The following FLVCR2 variants were observed in gnomAD, a reference collection of about 807,000 sequenced individuals.
FLVCR2 encodes the protein choline/ethanolamine transporter FLVCR2.
In FLVCR2, 38 loss-of-function variants were observed where a neutral mutation model predicts 48.9. The observed-to-expected ratio is 0.78, with a 90% confidence interval of 0.60 to 1.02. The LOEUF (loss-of-function observed/expected upper bound fraction) is 1.02, where lower values mean the gene tolerates loss of function less well. Among genes scored for constraint, FLVCR2 ranks in the 50% least tolerant of loss-of-function variants. The pLI is 0.00. For synonymous variants in FLVCR2, 255 were observed against 257.0 expected (o/e 0.99, Z 0.07); for missense variants, 664 against 663.3 (o/e 1.00, Z -0.01).
intron 1 of FLVCR2, among the ~76,000 whole-genome samples, chr14:75,620,364 A>G (rs143615114): frequency 4.6e-5 from 7 of 152,300 alleles, no homozygotes; most frequent in Non-Finnish European, 7.4e-5. Flanking sequence ...CAGAGAAGCC[A>G]GGAGATCTGC....
At chr14:75,608,144 C>T (rs1302444288) in intron 1 of FLVCR2, among the ~76,000 whole-genome samples, 1 of 152,192 alleles carries the variant, frequency 6.6e-6, no homozygotes, top group Non-Finnish European at 1.5e-5. Context: ...ACATCGTGTC[C>T]TGCCTGGATT....
chr14:75,642,564 A>G (rs895635905), intron 9 of FLVCR2, among the ~76,000 whole-genome samples: 1 of 152,226 alleles, frequency 6.6e-6, no homozygotes, highest in African/African-American at 2.4e-5. Flanking sequence ...TTCAAATCTG[A>G]GAAAGAGCAA....
At chr14:75,597,726 C>T (rs199507651) in intron 1 of FLVCR2, among the ~76,000 whole-genome samples, 13 of 152,020 alleles carry the variant, frequency 8.6e-5, no homozygotes, top group East Asian at 7.7e-4. Context: ...CCCGCCACCA[C>T]GTCTGGCTAA....
chr14:75,625,653 G>A (rs138720590), intron 3 of FLVCR2, among the ~76,000 whole-genome samples: 15 of 152,122 alleles, frequency 9.9e-5, no homozygotes, highest in Admixed American at 2.6e-4. Flanking sequence ...GACATGTACC[G>A]TAACCATATG....
At chr14:75,642,280 C>T (rs1400727176) in intron 9 of FLVCR2, among the ~76,000 whole-genome samples, 1 of 152,174 alleles carries the variant, frequency 6.6e-6, no homozygotes, top group Non-Finnish European at 1.5e-5. Flanking sequence ...AAGGGGAAGC[C>T]TGGCTCCACC....
intron 3 of FLVCR2, chr14:75,632,683 C>A (rs1248935189): frequency 1.4e-6 from 1 of 702,242 alleles, no homozygotes; most frequent in African/African-American, 1.7e-5. Flanking sequence ...TTACACCCTT[C>A]CAAGTAAATC....
intron 1 of FLVCR2, among the ~76,000 whole-genome samples, chr14:75,600,662 T>C (rs902713971): frequency 5.9e-5 from 9 of 152,196 alleles, no homozygotes; most frequent in African/African-American, 2.2e-4. Flanking sequence ...ATAATGTTAG[T>C]TCTGGCAAAG....
intron 1 of FLVCR2, among the ~76,000 whole-genome samples, chr14:75,610,196 AGG>A (rs569101073): frequency 8.1e-4 from 123 of 152,268 alleles, no homozygotes; most frequent in African/African-American, 2.8e-3. Flanking sequence ...AGTCAGCTAG[AGG>A]GACATTAATG....
At chr14:75,585,514 T>A (rs1415443944) in intron 1 of FLVCR2, among the ~76,000 whole-genome samples, 3 of 152,016 alleles carry the variant, frequency 2.0e-5, no homozygotes, top group African/African-American at 7.3e-5. Context: ...TTGCCCATAG[T>A]GAAGGAGGCA....
chr14:75,642,090 C>T (rs1890318311), intron 9 of FLVCR2, 192 bp downstream of exon 9: 4 of 617,984 alleles, frequency 6.5e-6, no homozygotes, highest in East Asian at 2.7e-5. Flanking sequence ...GTTCTTGCTA[C>T]TGCTACCCTT....
At chr14:75,600,261 C>G (rs1889131527) in intron 1 of FLVCR2, among the ~76,000 whole-genome samples, 1 of 152,098 alleles carries the variant, frequency 6.6e-6, no homozygotes, top group Non-Finnish European at 1.5e-5. Flanking sequence ...AGGAAGTTAC[C>G]CTATGTGGCC....
At position 75,639,383 on chromosome 14, in the gene FLVCR2, C is replaced by T; in HGVS notation, c.1156C>T (p.Leu386=). 6.2e-7 allele frequency: 1 copy of T among 1,613,900 alleles called. No individual in the cohort carries two copies. Among genetic ancestry groups the T allele is most frequent in the Non-Finnish European group, 8.5e-7 (1 of 1,179,750 alleles). ...AACCCTGGTAGTCTATATCATGACACTGGTGGGCATGGTGGTGTACACGTT... is the reference window on the plus strand; with the variant it reads ...AACCCTGGTAGTCTATATCATGACATTGGTGGGCATGGTGGTGTACACGTT... The part of the protein sequence containing the change: ...ETTLVVYIMT[L]VGMVVYTFTL... Residue 386 remains leucine, a synonymous_variant, in exon 6 of 10, where the codon CTG becomes TTG. Transcript: ENST00000238667.
chr14:75,593,516 C>A (rs1049737712), intron 1 of FLVCR2, among the ~76,000 whole-genome samples: 3 of 152,184 alleles, frequency 2.0e-5, no homozygotes, highest in African/African-American at 7.2e-5. Context: ...GGAACTCACC[C>A]ATTTCTGCAG....
At chr14:75,595,919 C>T (rs1453039184) in intron 1 of FLVCR2, 4 of 1,233,194 alleles carry the variant, frequency 3.2e-6, no homozygotes, top group Admixed American at 3.4e-5. Flanking sequence ...TCTTCTCATA[C>T]AGGCCATGTC....
At chr14:75,592,739 A>C (rs984911959) in intron 1 of FLVCR2, among the ~76,000 whole-genome samples, 15 of 152,138 alleles carry the variant, frequency 9.9e-5, no homozygotes, top group Non-Finnish European at 2.2e-4. Flanking sequence ...CTGTAATCAC[A>C]GCACTTTGGG....
intron 1 of FLVCR2, among the ~76,000 whole-genome samples, chr14:75,595,120 G>T (rs1038448647): frequency 6.6e-6 from 1 of 152,144 alleles, no homozygotes; most frequent in Admixed American, 6.5e-5. Flanking sequence ...GTAGTTATAT[G>T]TAGGATTATG....
chr14:75,640,940 T>C lies in FLVCR2; in HGVS notation c.1236-15T>C. On this transcript the variant is annotated splice_polypyrimidine_tract_variant and intron_variant, in intron 6 of 9. Coordinates refer to ENST00000238667, the MANE Select transcript of FLVCR2 (RefSeq NM_017791.3). Reference sequence around the variant, plus strand: ...GAAGTTCTTCATCCCCTTGTTTCTCTGGTCTGGTCTTCAGCTTCTTTATGA... The same window carrying C: ...GAAGTTCTTCATCCCCTTGTTTCTCCGGTCTGGTCTTCAGCTTCTTTATGA... 3.2e-6 allele frequency: 5 copies of C among 1,586,326 alleles called. No homozygotes were observed. The highest frequency in any genetic ancestry group is 4.3e-6 in the Non-Finnish European group (5 of 1,154,584).
intron 3 of FLVCR2, 99 bp downstream of exon 3, chr14:75,624,851 G>A: frequency 1.4e-6 from 2 of 1,445,504 alleles, no homozygotes; most frequent in African/African-American, 1.4e-5. Context: ...TCCCAAATGT[G>A]CATGTAAAGC....
chr14:75,621,340 G>A (rs906501344), intron 1 of FLVCR2, among the ~76,000 whole-genome samples: 3 of 151,552 alleles, frequency 2.0e-5, no homozygotes, highest in Non-Finnish European at 4.4e-5. Context: ...CCCAGGAGGC[G>A]GAGGCTGCAG....
Sources: gnomAD v4.1 joint callset for allele counts (sites outside exome capture counted in the v4.1 genomes callset) on GRCh38, gnomAD v4.1.1 for gene constraint, MANE v1.5 for transcripts, NCBI Gene and HGNC (gene_info 2026-07-23, HGNC 2026-07-21) for gene names.